NIPA2: variants seen among roughly 807,000 people sequenced by gnomAD.
NIPA2 encodes the protein NIPA magnesium transporter 2, also known as magnesium transporter NIPA2.
NIPA2 carries 11 observed loss-of-function variants against 29.7 expected under a neutral mutation model. The ratio of observed to expected loss-of-function variants is 0.37; its 90% CI spans 0.23 to 0.61. NIPA2 has a LOEUF of 0.61. NIPA2 is among the 20% of genes least tolerant of loss of function. The pLI is 0.66. For missense variants in NIPA2, 426 were observed against 437.9 expected, an observed-to-expected ratio of 0.97 and a Z score of 0.24; for synonymous variants, 183 against 161.9, an observed-to-expected ratio of 1.13 and a Z score of -0.99.
At chr15:22,839,248 G>C (rs1176032961) in intron 1 of NIPA2, 2 of 152,220 alleles carry the variant, frequency 1.3e-5, no homozygotes, top group Non-Finnish European at 2.9e-5. Flanking sequence ...GAAGTCTGCT[G>C]TGACGTTTTG....
At chr15:22,843,377 G>C (rs1196366491) in intron 2 of NIPA2, among the ~76,000 whole-genome samples, 1 of 151,472 alleles carries the variant, frequency 6.6e-6, no homozygotes, top group African/African-American at 2.4e-5. Context: ...ATGGTGGTGG[G>C]TGCCTGTAGT....
rs7180630 is a variant in NIPA2, at chr15:22,851,338, T to C, written c.-93-301T>C. On this transcript the variant is annotated intron_variant, in intron 3 of 7. Coordinates refer to ENST00000337451, the MANE Select transcript of NIPA2 (RefSeq NM_030922.7). ...GATTTGTATATTATGCCTAATTTTT[T>C]CTGCAGAATTTTTTTTTCTTATCAG... Among the ~76,000 whole-genome samples the C allele has an allele frequency of 0.07, 10,647 of 152,246 alleles. 573 individuals carry two copies. The highest frequency in any genetic ancestry group is 0.23 in the East Asian group (1,206 of 5,172).
chr15:22,867,305 T>A lies in NIPA2; in HGVS notation c.*458T>A. 2.5e-6 allele frequency: 1 copy of A among 398,354 alleles called. No homozygotes were observed. 24.7% of individuals were successfully genotyped at this position (398,354 alleles called of 1,614,324 possible). On this transcript the variant is annotated 3_prime_UTR_variant, in exon 8 of 8. Transcript: ENST00000337451. ...CTTACCTACAAAAGTGGCTCCTGTT[T>A]GTTTGATGATGATTGGTTTTATTTT... is the stretch of plus-strand genomic sequence containing the variant.
At position 22,844,553 on chromosome 15, in the gene NIPA2, C is replaced by CA. The variant is rs5811283; in HGVS notation, c.-215-582dup. ...CGGGCGACAGTGCAAGACTGTGACTCAAAAAAAAAAAGAGTTTGTTAAAAT... is the reference window on the plus strand; with the variant it reads ...CGGGCGACAGTGCAAGACTGTGACTCAAAAAAAAAAAAGAGTTTGTTAAAAT... On this transcript the variant is annotated intron_variant, in intron 2 of 7. Coordinates refer to ENST00000337451, the MANE Select transcript of NIPA2 (RefSeq NM_030922.7). Among the ~76,000 whole-genome samples, 160 of 144,514 alleles carry CA rather than the reference C, an allele frequency of 1.1e-3. 1 individual carries two copies. The highest frequency in any genetic ancestry group is 2.1e-3 in the Non-Finnish European group (134 of 65,062). The allele number at this position is 144,514 out of a possible 152,430, so 94.8% of individuals were successfully genotyped here. A position where few individuals can be genotyped will look rare whatever the true frequency, so the allele number is the denominator to read the frequency against.
chr15:22,847,999 T>C (rs1165537441), intron 3 of NIPA2, among the ~76,000 whole-genome samples: 1 of 151,486 alleles, frequency 6.6e-6, no homozygotes, highest in Non-Finnish European at 1.5e-5. Context: ...GGTTTCTCCA[T>C]GTTGGTCAGG....
At chr15:22,862,679 C>G (rs1219599839) in intron 7 of NIPA2, among the ~76,000 whole-genome samples, 1 of 151,926 alleles carries the variant, frequency 6.6e-6, no homozygotes, top group Non-Finnish European at 1.5e-5. Context: ...TTGTGGGCCT[C>G]CTGTGGTGGT....
At chr15:22,842,340 T>C (rs1897302824) in intron 2 of NIPA2, among the ~76,000 whole-genome samples, 2 of 152,136 alleles carry the variant, frequency 1.3e-5, no homozygotes, top group African/African-American at 4.8e-5. Flanking sequence ...CAGGTTAGAA[T>C]AGCAGCAGAG....
chr15:22,853,833 C>G (rs1454639122), intron 5 of NIPA2, among the ~76,000 whole-genome samples: 1 of 151,712 alleles, frequency 6.6e-6, no homozygotes, highest in East Asian at 1.9e-4. Flanking sequence ...CCAGTTAGTC[C>G]TTTTTTTTGT....
intron 2 of NIPA2, among the ~76,000 whole-genome samples, chr15:22,840,298 T>TG (rs936330505): frequency 5.5e-4 from 80 of 144,230 alleles, no homozygotes; most frequent in African/African-American, 1.8e-3. Context: ...TAGTTTTTTT[T>TG]TTTGTTTTTT....
chr15:22,866,173 C>G, intron 7 of NIPA2, 40 bp from the exon 8 acceptor site: 1 of 1,559,088 alleles, frequency 6.4e-7, no homozygotes, highest in Non-Finnish European at 8.8e-7. Context: ...TAAGAACAAC[C>G]AACCATTTGA....
intron 2 of NIPA2, among the ~76,000 whole-genome samples, chr15:22,844,171 ATTTTC>A (rs920221844): frequency 6.6e-5 from 10 of 152,114 alleles, no homozygotes; most frequent in South Asian, 4.1e-4. Context: ...TAATTTCATA[ATTTTC>A]TTTTATTTGA....
At position 22,845,181 on chromosome 15, in the gene NIPA2, A is replaced by G. The variant is rs548265889; in HGVS notation, c.-180A>G. ...CTGTGATAGACCTTCAGTTACAGAG[A>G]GAGGGAGCAGAGTGGGACCAGGTCT... On this transcript the variant is annotated 5_prime_UTR_variant, in exon 3 of 8. Coordinates refer to ENST00000337451, the MANE Select transcript of NIPA2 (RefSeq NM_030922.7). 1 of 152,294 alleles carries G rather than the reference A, an allele frequency of 6.6e-6. No homozygotes were observed. The highest frequency in any genetic ancestry group is 1.9e-4 in the East Asian group (1 of 5,184). The allele number at this position is 152,294 out of a possible 1,614,324, so 9.4% of individuals were successfully genotyped here.
chr15:22,860,621 C>T lies in NIPA2; in HGVS notation c.288-8C>T, dbSNP rs1349222366. On this transcript the variant is annotated splice_polypyrimidine_tract_variant and splice_region_variant and intron_variant, in intron 6 of 7. Transcript: ENST00000337451. ...AAAGTTCTCAATTTTTTTTCCTCCC[C>T]ATTTTAGTGCCATTCTTTCTTCATA... 6.5e-7 allele frequency: 1 copy of T among 1,528,120 alleles called. No homozygotes were observed. The allele number at this position is 1,528,120 out of a possible 1,614,324, so 94.7% of individuals were successfully genotyped here. A position where few individuals can be genotyped will look rare whatever the true frequency, so the allele number is the denominator to read the frequency against.
At position 22,862,356 on chromosome 15, in the gene NIPA2, A is replaced by T. The variant is rs561597151; in HGVS notation, c.448+1567A>T. ...AGCTACTGTGCCTGGCCTGATCTGAAAATTTATGTCTGACTCTTGGGAACT... is the reference window on the plus strand; with the variant it reads ...AGCTACTGTGCCTGGCCTGATCTGATAATTTATGTCTGACTCTTGGGAACT... On this transcript the variant is annotated intron_variant, in intron 7 of 7. Transcript: ENST00000337451. 9.9e-5 allele frequency among the ~76,000 whole-genome samples: 15 copies of T among 152,102 alleles called. 1 individual carries two copies. Among genetic ancestry groups the T allele is most frequent in the African/African-American group, 2.7e-4 (11 of 41,482 alleles).
chr15:22,853,759 T>C (rs975771647), intron 5 of NIPA2, among the ~76,000 whole-genome samples: 2 of 152,192 alleles, frequency 1.3e-5, no homozygotes, highest in Non-Finnish European at 2.9e-5. Context: ...TTCATAATAA[T>C]TGCATTATGG....
At chr15:22,862,193 G>A (rs1397097860) in intron 7 of NIPA2, among the ~76,000 whole-genome samples, 5 of 151,584 alleles carry the variant, frequency 3.3e-5, no homozygotes, top group South Asian at 2.1e-4. Context: ...GATTACAGGC[G>A]CCCACCACCA....
intron 5 of NIPA2, 140 bp from the exon 6 acceptor site, chr15:22,858,400 A>G (rs1287081015): frequency 8.0e-6 from 4 of 498,574 alleles, no homozygotes; most frequent in Admixed American, 7.4e-5. Context: ...TCTCAAAAAA[A>G]TAAAAATAAT....
chr15:22,852,021 G>A, intron 4 of NIPA2, 151 bp downstream of exon 4: 1 of 700,932 alleles, frequency 1.4e-6, no homozygotes. Context: ...TTGATGTTTG[G>A]TTATTTATAT....
At chr15:22,840,137 T>C (rs955388857) in intron 2 of NIPA2, among the ~76,000 whole-genome samples, 24 of 151,848 alleles carry the variant, frequency 1.6e-4, no homozygotes, top group Admixed American at 6.6e-4. Flanking sequence ...CACCGGCTGG[T>C]CTCCTAATTC....
Sources: gnomAD v4.1 joint callset for allele counts (sites outside exome capture counted in the v4.1 genomes callset) on GRCh38, gnomAD v4.1.1 for gene constraint, MANE v1.5 for transcripts, NCBI Gene and HGNC (gene_info 2026-07-23, HGNC 2026-07-21) for gene names.